Variants in PAOX observed in about 807,000 individuals in gnomAD.
The protein encoded by PAOX is peroxisomal N(1)-acetyl-spermine/spermidine oxidase.
A neutral mutation model predicts 39.0 loss-of-function variants in PAOX; 38 were observed. That is an observed-to-expected ratio of 0.97 (90% CI 0.75 to 1.28). PAOX has a LOEUF of 1.28. Ranked by LOEUF, PAOX falls within the 50% of genes most tolerant of loss-of-function variation. The pLI is 0.00. For missense variants in PAOX, 667 were observed against 685.7 expected (o/e 0.97, Z 0.30); for synonymous variants, 311 against 314.4 (o/e 0.99, Z 0.11).
intron 2 of PAOX, 33 bp from the exon 3 acceptor site, chr10:133,381,427 G>A (rs1377227018): frequency 1.2e-6 from 2 of 1,602,504 alleles, no homozygotes; most frequent in South Asian, 2.2e-5. Context: ...CAGGGACTGG[G>A]CCTCTACGAA....
intron 5 of PAOX, 32 bp from the exon 6 acceptor site, chr10:133,389,558 C>A: frequency 1.2e-6 from 2 of 1,613,472 alleles, no homozygotes; most frequent in East Asian, 2.2e-5. Flanking sequence ...GGTGAGAGTT[C>A]TCGGTTAACA....
At chr10:133,390,723 T>C in intron 6 of PAOX, 1 of 552,602 alleles carries the variant, frequency 1.8e-6, no homozygotes, top group Non-Finnish European at 3.2e-6. Context: ...TGCTTGGAAA[T>C]GTTGCTTCTT....
intron 5 of PAOX, among the ~76,000 whole-genome samples, 193 bp from the exon 6 acceptor site, chr10:133,389,397 G>T (rs2153817): frequency 6.6e-6 from 1 of 152,162 alleles, no homozygotes; most frequent in East Asian, 1.9e-4. Context: ...CGGGTCAGAG[G>T]CCCCCGGGTC....
intron 4 of PAOX, among the ~76,000 whole-genome samples, chr10:133,386,174 G>GCCCA (rs1849528028): frequency 6.7e-6 from 1 of 150,238 alleles, no homozygotes. Context: ...ATAGGTGTGT[G>GCCCA]CCACCATGCC....
At chr10:133,379,733 T>C in intron 1 of PAOX, 1 of 537,100 alleles carries the variant, frequency 1.9e-6, no homozygotes, top group Non-Finnish European at 2.9e-6. Flanking sequence ...GCCCTGATTC[T>C]GCCCCACGGG....
intron 3 of PAOX, 38 bp downstream of exon 3, chr10:133,381,697 GC>G: frequency 6.3e-7 from 1 of 1,586,936 alleles, no homozygotes; most frequent in South Asian, 1.1e-5. Flanking sequence ...CATCCCAAGT[GC>G]CCCCGCCTCT....
At chr10:133,383,361 G>T (rs963073479) in intron 3 of PAOX, among the ~76,000 whole-genome samples, 1 of 151,898 alleles carries the variant, frequency 6.6e-6, no homozygotes, top group Non-Finnish European at 1.5e-5. Flanking sequence ...CCAGCACTTC[G>T]GGAGGCTGAG....
chr10:133,382,094 A>G (rs1181359430), intron 3 of PAOX, among the ~76,000 whole-genome samples: 1 of 151,804 alleles, frequency 6.6e-6, no homozygotes, highest in African/African-American at 2.4e-5. Context: ...GCTGTTTTAT[A>G]AAAGGTGGAG....
At chr10:133,381,746 T>C in intron 3 of PAOX, 87 bp downstream of exon 3, 2 of 1,384,720 alleles carry the variant, frequency 1.4e-6, no homozygotes, top group Middle Eastern at 4.7e-4. Context: ...GGGCGTTTGC[T>C]TGTGTACGAA....
chr10:133,390,829 C>G (rs889294684), intron 6 of PAOX: 1 of 500,372 alleles, frequency 2.0e-6, no homozygotes, highest in Non-Finnish European at 3.7e-6. Flanking sequence ...AGATCCCTCC[C>G]CCACCCTCCC....
intron 2 of PAOX, 86 bp from the exon 3 acceptor site, chr10:133,381,374 G>A (rs754616049): frequency 3.3e-5 from 42 of 1,291,068 alleles, no homozygotes; most frequent in South Asian, 6.5e-5. Context: ...CCTTTGATGC[G>A]GGTGGGAACT....
At chr10:133,382,753 G>A (rs1161551184) in intron 3 of PAOX, 1 of 150,842 alleles carries the variant, frequency 6.6e-6, no homozygotes, top group Non-Finnish European at 1.5e-5. Context: ...TTGCACTCCA[G>A]CCTGGGTGAC....
intron 6 of PAOX, chr10:133,390,840 C>CAA: frequency 1.7e-6 from 1 of 572,514 alleles, no homozygotes; most frequent in Non-Finnish European, 3.2e-6. Flanking sequence ...CCACCCTCCC[C>CAA]ATATGTGATC....
chr10:133,388,987 G>A lies in PAOX; in HGVS notation c.1153G>A (p.Gly385Arg), dbSNP rs201238130. The change falls in exon 5 of 7, where the codon GGA becomes AGA. Residue 385 changes from glycine (G) to arginine (R), a missense_variant. Physicochemically the swap from Gly to Arg is moderately radical, Grantham distance 125. Coordinates refer to ENST00000278060, the MANE Select transcript of PAOX (RefSeq NM_152911.4). ...SVHVLCGFIA[G>R]LESEFMETLS... ...CCACGTTCTCTGTGGGTTCATTGCC[G>A]GACTTGAGTCTGAGTTCATGGAGAC... The A allele has an allele frequency of 2.5e-6, 4 of 1,613,946 alleles. No homozygotes were observed. Among genetic ancestry groups the A allele is most frequent in the Non-Finnish European group, 1.7e-6 (2 of 1,179,972 alleles).
At position 133,380,304 on chromosome 10, in the gene PAOX, A is replaced by C; in HGVS notation, c.487A>C (p.Ile163Leu). 1 of 1,612,862 alleles carries C rather than the reference A, an allele frequency of 6.2e-7. No homozygotes were observed. Among genetic ancestry groups the C allele is most frequent in the Non-Finnish European group, 8.5e-7 (1 of 1,179,988 alleles). ...CGTCGGGGAGTACCTCAAGAAGGAG[A>C]TTGGCCAGCACGTGGCCGGCTGGAC... is the stretch of plus-strand genomic sequence containing the variant. Reference protein sequence around the residue: ...PSVGEYLKKEIGQHVAGWTED... With the variant: ...PSVGEYLKKELGQHVAGWTED... Residue 163 changes from isoleucine (I) to leucine (L), a missense_variant, in exon 2 of 7, where the codon ATT (isoleucine) becomes CTT (leucine). By Grantham distance (5) the Ile-to-Leu change is conservative (BLOSUM62 2). Coordinates refer to ENST00000278060, the MANE Select transcript of PAOX (RefSeq NM_152911.4).
chr10:133,380,335 A>G lies in PAOX; in HGVS notation c.518A>G (p.Asp173Gly), dbSNP rs760298806. ...IGQHVAGWTE[D>G]EETRKLKLAV... ...CAGCACGTGGCCGGCTGGACAGAGG[A>G]TGAGGAGACCAGGAAGCTGAAGCTG... The change falls in exon 2 of 7, where the codon GAT becomes GGT. Residue 173 changes from aspartate to glycine, a missense_variant. Coordinates refer to ENST00000278060, the MANE Select transcript of PAOX (RefSeq NM_152911.4). 6.2e-7 allele frequency: 1 copy of G among 1,612,892 alleles called. No individual in the cohort carries two copies. The highest frequency in any genetic ancestry group is 1.1e-5 in the South Asian group (1 of 91,078).
chr10:133,381,347 A>C, intron 2 of PAOX, 113 bp from the exon 3 acceptor site: 1 of 991,750 alleles, frequency 1.0e-6, no homozygotes, highest in South Asian at 1.5e-5. Flanking sequence ...TGAGCGATGG[A>C]GAGCTCCCCG....
rs150305671 is a variant in PAOX at position 133,390,919 on chromosome 10, G to T, written c.1393-393G>T. The T allele has an allele frequency of 4.3e-5, 30 of 691,886 alleles. No homozygotes were observed. In the East Asian group the frequency reaches 7.8e-4, roughly 18 times the overall value. 42.9% of individuals were successfully genotyped at this position (691,886 alleles called of 1,614,324 possible). ...TTTTCTCTAAAAGCTGTTCACACCT[G>T]AGCTGCGGGGTGCAGTGGCTTCCTT... On this transcript the variant is annotated intron_variant, in intron 6 of 6. Coordinates refer to ENST00000278060, the MANE Select transcript of PAOX (RefSeq NM_152911.4).
rs1849332512 is a variant in PAOX, at chr10:133,380,408, C to T, written c.591C>T (p.Thr197=). ...ACCTGGAATGCTGTGTGAGCGGCAC[C>T]CACAGCATGGACCTGGTGGCCCTGG... is the stretch of plus-strand genomic sequence containing the variant. The part of the protein sequence containing the change: ...FFNLECCVSG[T]HSMDLVALAP... The change falls in exon 2 of 7, where the codon ACC becomes ACT. Residue 197 remains threonine (T), a synonymous_variant. Coordinates refer to ENST00000278060, the MANE Select transcript of PAOX (RefSeq NM_152911.4). The T allele has an allele frequency of 1.2e-6, 2 of 1,612,848 alleles. No homozygotes were observed. The highest frequency in any genetic ancestry group is 1.7e-6 in the Non-Finnish European group (2 of 1,180,018).
Sources: gnomAD v4.1 joint callset for allele counts (sites outside exome capture counted in the v4.1 genomes callset) on GRCh38, gnomAD v4.1.1 for gene constraint, MANE v1.5 for transcripts, NCBI Gene and HGNC (gene_info 2026-07-23, HGNC 2026-07-21) for gene names.